EBF2: variants seen among roughly 807,000 people sequenced by gnomAD.
EBF2 encodes EBF transcription factor 2, also known as transcription factor COE2.
EBF2 carries 21 observed loss-of-function variants against 72.8 expected under a neutral mutation model. The ratio of observed to expected loss-of-function variants is 0.29; its 90% confidence interval spans 0.20 to 0.42. EBF2 has a LOEUF of 0.42. Ranked by LOEUF, EBF2 falls within the 10% of genes least tolerant of loss-of-function variation. The probability of loss-of-function intolerance (pLI) is 1.00; values close to 1 mark genes in which losing one functional copy is unlikely to be tolerated. For synonymous variants in EBF2, 299 were observed against 274.2 expected (o/e 1.09, Z -0.89); for missense variants, 637 against 731.2 (o/e 0.87, Z 1.49).
intron 6 of EBF2, among the ~76,000 whole-genome samples, chr8:26,025,331 G>A (rs1483028902): frequency 6.6e-6 from 1 of 152,138 alleles, no homozygotes; most frequent in Non-Finnish European, 1.5e-5. Flanking sequence ...TGCTCCATGA[G>A]AGCGGGAACC....
chr8:26,042,868 C>G (rs1194698274), intron 1 of EBF2, among the ~76,000 whole-genome samples: 1 of 152,058 alleles, frequency 6.6e-6, no homozygotes, highest in Non-Finnish European at 1.5e-5. Context: ...GGCTGCTTGC[C>G]TCGCTCTTCC....
At chr8:26,014,007 G>A (rs773263728) in intron 6 of EBF2, among the ~76,000 whole-genome samples, 21 of 152,190 alleles carry the variant, frequency 1.4e-4, no homozygotes, top group South Asian at 2.1e-4. Context: ...CAAAGCCCTC[G>A]TCTGTTTCCA....
At position 25,861,386 on chromosome 8, in the gene EBF2, G is replaced by A; in HGVS notation, c.1099-12C>T. The A allele has an allele frequency of 6.2e-7, 1 of 1,614,120 alleles. No homozygotes were observed. The highest frequency in any genetic ancestry group is 1.1e-5 in the South Asian group (1 of 91,052). ...TTCAACAGCATCTCCTGGAAAATAA[G>A]CGAGGATGGGATATTGTCAAAGGCA... On this transcript the variant is annotated splice_polypyrimidine_tract_variant and intron_variant, in intron 11 of 15. Coordinates refer to ENST00000520164, the MANE Select transcript of EBF2 (RefSeq NM_022659.4).
At chr8:25,963,879 T>C (rs779567687) in intron 6 of EBF2, among the ~76,000 whole-genome samples, 3 of 152,238 alleles carry the variant, frequency 2.0e-5, no homozygotes, top group Non-Finnish European at 4.4e-5. Context: ...TGTTTACTTG[T>C]AGTACCCTTC....
intron 4 of EBF2, 52 bp downstream of exon 4, chr8:26,040,564 G>C (rs2117266063): frequency 5.2e-6 from 8 of 1,530,942 alleles, no homozygotes; most frequent in East Asian, 2.5e-5. Flanking sequence ...TGGGGGGTTT[G>C]GGGGTCGGGG....
At chr8:25,939,308 G>A (rs954252117) in intron 6 of EBF2, among the ~76,000 whole-genome samples, 1 of 152,040 alleles carries the variant, frequency 6.6e-6, no homozygotes, top group Non-Finnish European at 1.5e-5. Flanking sequence ...ATTGTTTCAA[G>A]CTTAATGGAA....
At chr8:25,933,065 G>T (rs1456934357) in intron 6 of EBF2, among the ~76,000 whole-genome samples, 2 of 152,110 alleles carry the variant, frequency 1.3e-5, no homozygotes, top group Non-Finnish European at 2.9e-5. Context: ...CACTGGAAAC[G>T]TTGTGAGTTG....
chr8:26,027,067 T>G (rs1383833563), intron 6 of EBF2, among the ~76,000 whole-genome samples: 3 of 152,192 alleles, frequency 2.0e-5, no homozygotes, highest in Non-Finnish European at 4.4e-5. Flanking sequence ...TATATCTGGT[T>G]TACCCATTTC....
intron 7 of EBF2, among the ~76,000 whole-genome samples, chr8:25,894,371 T>C (rs966715944): frequency 2.6e-5 from 4 of 152,184 alleles, no homozygotes; most frequent in Non-Finnish European, 4.4e-5. Context: ...TTTCTGAACG[T>C]TTTAGGACCA....
intron 6 of EBF2, among the ~76,000 whole-genome samples, chr8:25,935,700 G>A (rs868724439): frequency 1.1e-4 from 17 of 152,192 alleles, no homozygotes; most frequent in South Asian, 2.1e-4. Flanking sequence ...CATCTCTGCT[G>A]AATGCACCCA....
At chr8:25,964,853 C>T (rs989964783) in intron 6 of EBF2, among the ~76,000 whole-genome samples, 1 of 152,146 alleles carries the variant, frequency 6.6e-6, no homozygotes, top group African/African-American at 2.4e-5. Context: ...CCTACACATG[C>T]GGATGTTTGC....
chr8:25,845,580 C>T (rs1801816432), intron 15 of EBF2, among the ~76,000 whole-genome samples: 1 of 152,176 alleles, frequency 6.6e-6, no homozygotes, highest in Admixed American at 6.5e-5. Flanking sequence ...ATTCTTTCTC[C>T]CTTCATCGGG....
At chr8:25,852,860 G>A (rs563657235) in intron 14 of EBF2, among the ~76,000 whole-genome samples, 14 of 152,132 alleles carry the variant, frequency 9.2e-5, no homozygotes, top group Non-Finnish European at 1.3e-4. Context: ...AAACAACACC[G>A]TAAGAGACAG....
chr8:25,982,277 T>C (rs1804374997), intron 6 of EBF2, among the ~76,000 whole-genome samples: 1 of 152,220 alleles, frequency 6.6e-6, no homozygotes, highest in African/African-American at 2.4e-5. Context: ...TGGGAAGTGG[T>C]GAGAAAACTG....
chr8:25,987,698 G>C (rs1230346676), intron 6 of EBF2, among the ~76,000 whole-genome samples: 1 of 152,068 alleles, frequency 6.6e-6, no homozygotes, highest in Non-Finnish European at 1.5e-5. Context: ...CAGGTTGAAT[G>C]CTTCTGTATC....
At chr8:26,038,422 TTAAAAA>T (rs1056056490) in intron 5 of EBF2, among the ~76,000 whole-genome samples, 6 of 152,288 alleles carry the variant, frequency 3.9e-5, no homozygotes, top group African/African-American at 1.4e-4. Flanking sequence ...TTGATTGGGC[TTAAAAA>T]TAAAAATGTC....
chr8:26,020,203 T>A (rs1805182834), intron 6 of EBF2, among the ~76,000 whole-genome samples: 1 of 152,180 alleles, frequency 6.6e-6, no homozygotes, highest in Non-Finnish European at 1.5e-5. Flanking sequence ...AATTACTGCT[T>A]CCTGTCATGA....
chr8:26,036,817 C>T (rs561769867), intron 5 of EBF2, among the ~76,000 whole-genome samples: 1 of 151,962 alleles, frequency 6.6e-6, no homozygotes, highest in East Asian at 1.9e-4. Flanking sequence ...AGTTAAAAGG[C>T]TTTTAGGATT....
At chr8:26,030,687 C>T (rs1585234232) in intron 6 of EBF2, among the ~76,000 whole-genome samples, 1 of 152,118 alleles carries the variant, frequency 6.6e-6, no homozygotes, top group Admixed American at 6.5e-5. Context: ...TGTATGTTTC[C>T]ATGTGTAGAC....
Sources: gnomAD v4.1 joint callset for allele counts (sites outside exome capture counted in the v4.1 genomes callset) on GRCh38, gnomAD v4.1.1 for gene constraint, MANE v1.5 for transcripts, NCBI Gene and HGNC (gene_info 2026-07-23, HGNC 2026-07-21) for gene names.